NR6A1: variants seen among roughly 807,000 people sequenced by gnomAD.
NR6A1 encodes the protein nuclear receptor subfamily 6 group A member 1, also known as retinoic acid receptor-related testis-associated receptor.
In NR6A1, 7 loss-of-function variants were observed where a neutral mutation model predicts 59.1. The observed-to-expected ratio is 0.12, with a 90% CI of 0.07 to 0.22. The LOEUF (loss-of-function observed/expected upper bound fraction) is 0.22. Among genes scored for constraint, NR6A1 ranks in the 10% least tolerant of loss-of-function variants. The pLI, the probability that NR6A1 is intolerant of heterozygous loss-of-function variation, is 1.00. For missense variants in NR6A1, 468 were observed against 611.6 expected, an observed-to-expected ratio of 0.77 and a Z score of 2.48; for synonymous variants, 243 against 236.1, an observed-to-expected ratio of 1.03 and a Z score of -0.27.
chr9:124,668,928 G>GA (rs941748586), intron 2 of NR6A1, among the ~76,000 whole-genome samples: 3 of 151,450 alleles, frequency 2.0e-5, no homozygotes, highest in Non-Finnish European at 2.9e-5. Flanking sequence ...TCAATAAAGA[G>GA]AAAAAAAGGG....
rs143468807 is a variant in NR6A1, at chr9:124,767,326, T to A, written c.100+3694A>T. The stretch of plus-strand genomic sequence containing the variant: ...ACGGAAGTCAGAATGAATTATAGAT[T>A]AGGAATCATGTCATCATATTTTGGT... On this transcript the variant is annotated intron_variant, in intron 1 of 9. Coordinates refer to ENST00000487099, the MANE Select transcript of NR6A1 (RefSeq NM_033334.4). 2.3e-3 allele frequency among the ~76,000 whole-genome samples: 356 copies of A among 152,222 alleles called. 1 individual carries two copies. Among genetic ancestry groups the A allele is most frequent in the African/African-American group, 8.1e-3 (337 of 41,528 alleles).
At chr9:124,667,134 C>G (rs561065218) in intron 2 of NR6A1, among the ~76,000 whole-genome samples, 37 of 151,170 alleles carry the variant, frequency 2.4e-4, no homozygotes, top group African/African-American at 9.0e-4. Context: ...CTCCTGGGTT[C>G]AAGCAATTCT....
chr9:124,690,878 A>G (rs865991056), intron 2 of NR6A1, among the ~76,000 whole-genome samples: 19 of 152,304 alleles, frequency 1.2e-4, no homozygotes, highest in Middle Eastern at 6.8e-3. Flanking sequence ...CATGATACAC[A>G]ATTATTTCAA....
At chr9:124,668,564 TCA>T (rs1247326283) in intron 2 of NR6A1, among the ~76,000 whole-genome samples, 1 of 152,164 alleles carries the variant, frequency 6.6e-6, no homozygotes, top group African/African-American at 2.4e-5. Context: ...ATAATCTCAC[TCA>T]CAGAAAAAAT....
chr9:124,610,173 T>C (rs980350098), intron 2 of NR6A1, among the ~76,000 whole-genome samples: 2 of 152,178 alleles, frequency 1.3e-5, no homozygotes, highest in African/African-American at 4.8e-5. Flanking sequence ...CCCGGTCTTT[T>C]GTCAGTTTTC....
intron 2 of NR6A1, among the ~76,000 whole-genome samples, chr9:124,626,340 A>G (rs1836241017): frequency 6.6e-6 from 1 of 152,162 alleles, no homozygotes; most frequent in Non-Finnish European, 1.5e-5. Context: ...CAGTCTTCAT[A>G]ATCACGTGAG....
At chr9:124,665,501 C>A (rs1837585423) in intron 2 of NR6A1, among the ~76,000 whole-genome samples, 1 of 152,118 alleles carries the variant, frequency 6.6e-6, no homozygotes, top group African/African-American at 2.4e-5. Context: ...AACTGAGTCA[C>A]CTTTTAATAG....
chr9:124,543,772 G>A (rs374980203), intron 4 of NR6A1, 30 bp downstream of exon 4: 35 of 1,588,714 alleles, frequency 2.2e-5, no homozygotes, highest in Non-Finnish European at 2.5e-5. Flanking sequence ...CTTCCAGGAC[G>A]GACCACAGAG....
At chr9:124,526,628 G>T in intron 8 of NR6A1, 151 bp downstream of exon 8, 2 of 1,133,920 alleles carry the variant, frequency 1.8e-6, no homozygotes, top group South Asian at 2.9e-5. Context: ...GATGACAAGG[G>T]GGTGCACAAG....
At chr9:124,586,170 T>C (rs900878847) in intron 2 of NR6A1, among the ~76,000 whole-genome samples, 2 of 152,230 alleles carry the variant, frequency 1.3e-5, no homozygotes, top group Non-Finnish European at 2.9e-5. Flanking sequence ...ATAGCTGCCA[T>C]AGATAGTGAT....
At chr9:124,764,398 A>T (rs1017265300) in intron 1 of NR6A1, among the ~76,000 whole-genome samples, 6 of 152,192 alleles carry the variant, frequency 3.9e-5, no homozygotes, top group Admixed American at 2.6e-4. Context: ...AAAATAGAGA[A>T]TACAGAAATT....
intron 2 of NR6A1, among the ~76,000 whole-genome samples, chr9:124,717,717 G>A (rs1247475995): frequency 1.3e-5 from 2 of 152,034 alleles, no homozygotes; most frequent in African/African-American, 2.4e-5. Context: ...TGTAAGTCAC[G>A]CCTCAATTTT....
chr9:124,727,777 C>G (rs1217864098), intron 2 of NR6A1, among the ~76,000 whole-genome samples: 1 of 151,900 alleles, frequency 6.6e-6, no homozygotes, highest in African/African-American at 2.4e-5. Context: ...CTCTGCCTCC[C>G]AGGTTCAAGC....
intron 2 of NR6A1, among the ~76,000 whole-genome samples, chr9:124,601,583 CAAAA>C (rs11346749): frequency 6.7e-5 from 6 of 89,998 alleles, no homozygotes; most frequent in Non-Finnish European, 6.7e-5. Context: ...GACTCTGTGT[CAAAA>C]AAAAAAAAAA....
intron 2 of NR6A1, among the ~76,000 whole-genome samples, chr9:124,676,973 T>C (rs1322687876): frequency 6.6e-6 from 1 of 152,156 alleles, no homozygotes; most frequent in Non-Finnish European, 1.5e-5. Flanking sequence ...CATAAGCTAG[T>C]TTCAAGATCA....
At position 124,568,169 on chromosome 9, in the gene NR6A1, CAAAAAAAA is replaced by C. The variant is rs34652433; in HGVS notation, c.143-13607_143-13600del. 4.6e-4 allele frequency among the ~76,000 whole-genome samples: 14 copies of C among 30,448 alleles called. No individual in the cohort carries two copies. In the South Asian group the frequency reaches 6.3e-3, roughly 14 times the overall value. 20.0% of individuals were successfully genotyped at this position (30,448 alleles called of 152,430 possible). On this transcript the variant is annotated intron_variant, in intron 2 of 9. Coordinates refer to ENST00000487099, the MANE Select transcript of NR6A1 (RefSeq NM_033334.4). ...AGCCTGGCAGAGCAATACTTCATCT[CAAAAAAAA>C]AAAAAAAAAAAAAAAAAAGAAACAG... is the stretch of plus-strand genomic sequence containing the variant.
At chr9:124,680,767 CAT>C (rs1016700588) in intron 2 of NR6A1, among the ~76,000 whole-genome samples, 46 of 152,288 alleles carry the variant, frequency 3.0e-4, no homozygotes, top group African/African-American at 8.7e-4. Context: ...GTATGGCCCA[CAT>C]ATGTTTCCCA....
chr9:124,650,406 G>C (rs967339392), intron 2 of NR6A1, among the ~76,000 whole-genome samples: 3 of 152,162 alleles, frequency 2.0e-5, no homozygotes, highest in African/African-American at 7.2e-5. Context: ...TGGAAGTAAT[G>C]AATAGAATGG....
chr9:124,694,495 G>A (rs960789775), intron 2 of NR6A1, among the ~76,000 whole-genome samples: 2 of 152,090 alleles, frequency 1.3e-5, no homozygotes, highest in Admixed American at 1.3e-4. Flanking sequence ...CAAAAACTAT[G>A]AGGCTCATTC....
Sources: allele counts gnomAD v4.1 joint callset (sites outside exome capture counted in the v4.1 genomes callset), GRCh38; gene constraint gnomAD v4.1.1; transcripts MANE v1.5; gene names NCBI Gene and HGNC (gene_info 2026-07-23, HGNC 2026-07-21).